Variants in CPXM2 observed in about 807,000 individuals in gnomAD.
CPXM2 encodes inactive carboxypeptidase-like protein X2.
In CPXM2, 66 loss-of-function variants were observed where a neutral mutation model predicts 86.1. The observed-to-expected ratio is 0.77, with a 90% CI of 0.63 to 0.94. CPXM2 has a LOEUF of 0.94. Among genes scored for constraint, CPXM2 ranks in the 40% least tolerant of loss-of-function variants. CPXM2 has a pLI of 0.00. For missense variants in CPXM2, 948 were observed against 1,026.3 expected (o/e 0.92, Z 1.04); for synonymous variants, 388 against 400.2 (o/e 0.97, Z 0.36).
chr10:123,905,289 A>C (rs1180088322), intron 2 of CPXM2, among the ~76,000 whole-genome samples: 2 of 152,228 alleles, frequency 1.3e-5, no homozygotes, highest in Non-Finnish European at 1.5e-5. Flanking sequence ...TTCCGCGAGC[A>C]GCTTGACTGC....
At chr10:123,840,013 T>A (rs964081363) in intron 4 of CPXM2, among the ~76,000 whole-genome samples, 1 of 152,252 alleles carries the variant, frequency 6.6e-6, no homozygotes, top group African/African-American at 2.4e-5. Flanking sequence ...ACCCTTCTTG[T>A]GTTTCTAGCT....
At chr10:123,784,113 A>G (rs2134035756) in intron 6 of CPXM2, among the ~76,000 whole-genome samples, 1 of 152,258 alleles carries the variant, frequency 6.6e-6, no homozygotes, top group Admixed American at 6.5e-5. Flanking sequence ...AGTTCTTATG[A>G]AGGCTTTTGA....
upstream of CPXM2, among the ~76,000 whole-genome samples, chr10:123,892,522 A>G (rs149578662): frequency 9.7e-4 from 148 of 152,308 alleles, no homozygotes; most frequent in African/African-American, 3.5e-3. Context: ...GCCCAGGCCC[A>G]TGGCCCTGCG....
At chr10:123,917,215 C>G (rs1453672350) in intron 2 of CPXM2, among the ~76,000 whole-genome samples, 3 of 152,226 alleles carry the variant, frequency 2.0e-5, no homozygotes, top group Non-Finnish European at 4.4e-5. Flanking sequence ...TAACATCTCT[C>G]TAGAGGCGCC....
At chr10:123,877,490 C>A (rs1296638360) in intron 2 of CPXM2, among the ~76,000 whole-genome samples, 2 of 152,194 alleles carry the variant, frequency 1.3e-5, no homozygotes, top group South Asian at 2.1e-4. Flanking sequence ...TATTGCTCAG[C>A]CTCCTAGGAC....
Position 123,849,144 on chromosome 10 carries a change from C to T in CPXM2, c.514-6656G>A, listed in dbSNP as rs148585949. Among the ~76,000 whole-genome samples, 11 of 152,174 alleles carry T rather than the reference C, an allele frequency of 7.2e-5. 1 individual carries two copies. The East Asian group carries it at 2.1e-3, about 29-fold the overall frequency. ...TTTCTTAGATATTCTATTTTTATTGCTTCCTGTGGCTTTGTTTTATTTTTA... is the reference window on the plus strand; with the variant it reads ...TTTCTTAGATATTCTATTTTTATTGTTTCCTGTGGCTTTGTTTTATTTTTA... On this transcript the variant is annotated intron_variant, in intron 3 of 13. Coordinates refer to ENST00000241305, the MANE Select transcript of CPXM2 (RefSeq NM_198148.3).
In CPXM2 at chr10:123,765,013, T is replaced by A. The variant is rs185160541; in HGVS notation, c.1479+1960A>T. 3.3e-5 allele frequency among the ~76,000 whole-genome samples: 5 copies of A among 152,322 alleles called. No individual in the cohort carries two copies. In the East Asian group the frequency reaches 9.6e-4, roughly 29 times the overall value. On this transcript the variant is annotated intron_variant, in intron 10 of 13. Transcript: ENST00000241305. ...TTCTTTGACTTATTCTTTAGAAGTT[T>A]TTTATTTTCTAAATACATGATGAGG...
Position 123,761,918 on chromosome 10 carries a change from C to T in CPXM2, c.1731G>A (p.Lys577=). 6.2e-7 allele frequency: 1 copy of T among 1,613,906 alleles called. No individual in the cohort carries two copies. Among genetic ancestry groups the T allele is most frequent in the Non-Finnish European group, 8.5e-7 (1 of 1,179,918 alleles). Residue 577 remains lysine, a synonymous_variant, in exon 11 of 14, where the codon AAG becomes AAA. Coordinates refer to ENST00000241305, the MANE Select transcript of CPXM2 (RefSeq NM_198148.3). The part of the protein sequence containing the change: ...RRVCHTEDFQ[K]EEGTVNGASW... ...AGGCCCCATTGACAGTGCCCTCCTC[C>T]TTCTGGAAGTCCTCCGTGTGGCACA...
intron 2 of CPXM2, among the ~76,000 whole-genome samples, chr10:123,863,518 C>T (rs1367562812): frequency 6.6e-6 from 1 of 152,200 alleles, no homozygotes; most frequent in Non-Finnish European, 1.5e-5. Flanking sequence ...CAGGGTTTGC[C>T]CTCACACCTT....
chr10:123,770,972 T>C lies in CPXM2; in HGVS notation c.1046A>G (p.Gln349Arg), dbSNP rs1335700297. The change falls in exon 8 of 14, where the codon CAG (glutamine) becomes CGG (arginine). Residue 349 changes from glutamine (Q) to arginine (R), a missense_variant. Transcript: ENST00000241305. ...CTCCACAGCATACAGCTTCAGGCCCTGGTGGCTTTTTCCAATGTTGTAAAT... is the reference window on the plus strand; with the variant it reads ...CTCCACAGCATACAGCTTCAGGCCCCGGTGGCTTTTTCCAATGTTGTAAAT... ...TRIYNIGKSH[Q>R]GLKLYAVEIS... 15 of 1,614,010 alleles carry C rather than the reference T, an allele frequency of 9.3e-6. No individual in the cohort carries two copies. The highest frequency in any genetic ancestry group is 1.0e-5 in the Non-Finnish European group (12 of 1,179,952).
At chr10:123,784,858 C>A (rs931837238) in intron 6 of CPXM2, among the ~76,000 whole-genome samples, 1 of 152,168 alleles carries the variant, frequency 6.6e-6, no homozygotes, top group South Asian at 2.1e-4. Flanking sequence ...AGAATAGGGT[C>A]TGGAAGAAGG....
Position 123,762,165 on chromosome 10 carries a change from G to A in CPXM2, c.1484C>T (p.Ala495Val). ...EWFLSENATVAAETRAVIAWM... is the reference protein window; with the variant it reads ...EWFLSENATVVAETRAVIAWM... ...GGCTATGACTGCTCTGGTCTCGGCA[G>A]CCACCTGTGAACATCCCAAATGGAC... The change falls in exon 11 of 14, where the codon GCT (alanine) becomes GTT (valine). Residue 495 changes from alanine (A) to valine (V), a missense_variant. Transcript: ENST00000241305. 6.2e-7 allele frequency: 1 copy of A among 1,614,168 alleles called. No homozygotes were observed. The highest frequency in any genetic ancestry group is 1.1e-5 in the South Asian group (1 of 91,088).
intron 2 of CPXM2, among the ~76,000 whole-genome samples, chr10:123,873,856 C>CTTTTTT (rs56223052): frequency 4.7e-5 from 5 of 105,282 alleles, no homozygotes; most frequent in African/African-American, 7.8e-5. Flanking sequence ...TCTCACATTT[C>CTTTTTT]TTTTTTTTTT....
intron 1 of CPXM2, among the ~76,000 whole-genome samples, chr10:123,890,868 TG>T (rs1371606686): frequency 6.6e-6 from 1 of 151,068 alleles, no homozygotes; most frequent in Non-Finnish European, 1.5e-5. Flanking sequence ...CCGCTGAGAG[TG>T]GGAAGGAGGG....
intron 3 of CPXM2, among the ~76,000 whole-genome samples, chr10:123,852,146 T>C (rs958566020): frequency 9.2e-5 from 14 of 152,180 alleles, no homozygotes; most frequent in African/African-American, 3.1e-4. Context: ...TCAGTTTCCC[T>C]ATCTGGGCTC....
chr10:123,748,495 C>CA (rs1342880095), intron 13 of CPXM2, among the ~76,000 whole-genome samples: 3 of 152,190 alleles, frequency 2.0e-5, no homozygotes, highest in Admixed American at 2.0e-4. Context: ...CCGTGCAATA[C>CA]ACTGAGCTCA....
intron 2 of CPXM2, chr10:123,913,627 T>C (rs1945508515): frequency 6.0e-6 from 1 of 167,384 alleles, no homozygotes; most frequent in South Asian, 1.5e-4. Context: ...GCAAGTGAGA[T>C]AGAAAATTAG....
intron 13 of CPXM2, 30 bp from the exon 14 acceptor site, chr10:123,747,047 G>A (rs1277527324): frequency 1.2e-6 from 2 of 1,610,466 alleles, no homozygotes; most frequent in Admixed American, 3.4e-5. Context: ...GGGAGACTCA[G>A]AGCAGCTCTT....
At chr10:123,811,369 A>G (rs573453884) in intron 4 of CPXM2, among the ~76,000 whole-genome samples, 1 of 152,150 alleles carries the variant, frequency 6.6e-6, no homozygotes, top group African/African-American at 2.4e-5. Flanking sequence ...TCATTGTTCA[A>G]TTCCCACCTA....
Sources: gnomAD v4.1 joint callset for allele counts (sites outside exome capture counted in the v4.1 genomes callset) on GRCh38, gnomAD v4.1.1 for gene constraint, MANE v1.5 for transcripts, NCBI Gene and HGNC (gene_info 2026-07-23, HGNC 2026-07-21) for gene names.